Variants in ITIH2 observed in about 807,000 individuals in gnomAD.
ITIH2 encodes inter-alpha-trypsin inhibitor heavy chain 2.
ITIH2 carries 103 observed loss-of-function variants against 104.4 expected under a neutral mutation model. The ratio of observed to expected loss-of-function variants is 0.99; its 90% CI spans 0.84 to 1.16. The LOEUF is 1.16. Among genes scored for constraint, ITIH2 ranks in the 50% most tolerant of loss-of-function variants. ITIH2 has a pLI of 0.00. For missense variants in ITIH2, 1,108 were observed against 1,162.4 expected (o/e 0.95, Z 0.68); for synonymous variants, 436 against 435.4 (o/e 1.00, Z -0.02).
At chr10:7,734,802 C>T (rs145516959) in intron 14 of ITIH2, 120 bp from the exon 15 acceptor site, 10 of 750,206 alleles carry the variant, frequency 1.3e-5, no homozygotes, top group African/African-American at 8.6e-5. Flanking sequence ...AGTTACTTTG[C>T]GGCTCCGCCC....
rs1012978862 is a variant in ITIH2 at position 7,744,922 on chromosome 10, C to T, written c.2540C>T (p.Pro847Leu). ...GTTGACTTTCTGGGAATCTACATAC[C>T]CCCTACAAACAAGTTCTCACCTAAA... is the stretch of plus-strand genomic sequence containing the variant. ...VNVDFLGIYI[P>L]PTNKFSPKAH... The change falls in exon 19 of 21, where the codon CCC (proline) becomes CTC (leucine). Residue 847 changes from proline (P) to leucine (L), a missense_variant. By Grantham distance (98) the Pro-to-Leu change is moderately conservative. Transcript: ENST00000358415. 1.2e-6 allele frequency: 2 copies of T among 1,613,864 alleles called. No individual in the cohort carries two copies. Among genetic ancestry groups the T allele is most frequent in the African/African-American group, 1.3e-5 (1 of 74,844 alleles).
At chr10:7,722,108 C>A (rs967666193) in intron 8 of ITIH2, among the ~76,000 whole-genome samples, 3 of 151,990 alleles carry the variant, frequency 2.0e-5, no homozygotes, top group Non-Finnish European at 4.4e-5. Flanking sequence ...ACAGAGATTA[C>A]GGGGTGAGGA....
At chr10:7,726,877 G>T (rs558410147) in intron 9 of ITIH2, 73 bp from the exon 10 acceptor site, 333 of 1,248,486 alleles carry the variant, frequency 2.7e-4, no homozygotes, top group Non-Finnish European at 3.6e-4. Flanking sequence ...CAGGATCAAT[G>T]ATTGGTCTTC....
At chr10:7,741,175 T>G (rs1158253356) in intron 16 of ITIH2, among the ~76,000 whole-genome samples, 3 of 11,208 alleles carry the variant, frequency 2.7e-4, no homozygotes, top group Non-Finnish European at 1.4e-3. Flanking sequence ...TGTTTAAGGT[T>G]TTTTTTTTTT....
At chr10:7,722,509 C>T (rs1253416889) in intron 8 of ITIH2, among the ~76,000 whole-genome samples, 1 of 152,236 alleles carries the variant, frequency 6.6e-6, no homozygotes, top group Non-Finnish European at 1.5e-5. Context: ...ACACGTCCTT[C>T]GTGATCTGTC....
chr10:7,712,727 G>T (rs997840896), intron 4 of ITIH2, among the ~76,000 whole-genome samples: 1 of 152,158 alleles, frequency 6.6e-6, no homozygotes, highest in African/African-American at 2.4e-5. Flanking sequence ...CTATTTGAAT[G>T]CCTCCCTTCT....
chr10:7,729,609 T>G (rs1472964249), intron 11 of ITIH2, among the ~76,000 whole-genome samples: 1 of 152,210 alleles, frequency 6.6e-6, no homozygotes, highest in Non-Finnish European at 1.5e-5. Context: ...TGAGATTGTC[T>G]GGTATACATA....
chr10:7,717,119 A>C (rs924789303), intron 5 of ITIH2, among the ~76,000 whole-genome samples: 31 of 151,918 alleles, frequency 2.0e-4, no homozygotes, highest in Admixed American at 8.5e-4. Context: ...ATGCCCAGCT[A>C]ATTTTTGTAT....
intron 5 of ITIH2, 61 bp from the exon 6 acceptor site, chr10:7,717,565 T>G: frequency 1.3e-6 from 2 of 1,518,298 alleles, no homozygotes; most frequent in South Asian, 1.1e-5. Context: ...TCTGCCTAGA[T>G]TCTGGGTCTT....
chr10:7,744,046 A>G, intron 17 of ITIH2, 36 bp from the exon 18 acceptor site: 1 of 1,548,426 alleles, frequency 6.5e-7, no homozygotes, highest in South Asian at 1.1e-5. Context: ...AATAAATGGC[A>G]CAGAAGAGAA....
At chr10:7,748,521 CTTTTTTTTTTTTTTTTTTTTTTTT>C (rs549517172) in intron 20 of ITIH2, among the ~76,000 whole-genome samples, 3 of 27,124 alleles carry the variant, frequency 1.1e-4, no homozygotes, top group South Asian at 1.5e-3. Flanking sequence ...CCAATGCATT[CTTTTTTTTTTTTTTTTTTTTTTTT>C]TTTTTTTTTT....
At chr10:7,718,893 C>G (rs148354619) in intron 6 of ITIH2, among the ~76,000 whole-genome samples, 9 of 152,310 alleles carry the variant, frequency 5.9e-5, no homozygotes, top group African/African-American at 2.2e-4. Flanking sequence ...GTGCCTCGGT[C>G]ATCCACTGCA....
chr10:7,703,628 A>G, intron 1 of ITIH2, 110 bp downstream of exon 1: 4 of 701,236 alleles, frequency 5.7e-6, no homozygotes, highest in Non-Finnish European at 1.0e-5. Context: ...GAAACTTAAG[A>G]TAAAATTCAT....
At chr10:7,705,424 G>A (rs982699289) in intron 2 of ITIH2, among the ~76,000 whole-genome samples, 28 of 152,090 alleles carry the variant, frequency 1.8e-4, no homozygotes, top group African/African-American at 6.0e-4. Context: ...AAGAGTACAC[G>A]ACTCAGCACA....
chr10:7,722,968 AGTGGAGTGAAGTGGC>A (rs879681167), intron 8 of ITIH2, among the ~76,000 whole-genome samples: 12 of 151,500 alleles, frequency 7.9e-5, no homozygotes, highest in Non-Finnish European at 1.3e-4. Flanking sequence ...AGTGGAGTGG[AGTGGAGTGAAGTGGC>A]GTGGAGTGGA....
chr10:7,727,608 A>G (rs946696578), intron 10 of ITIH2, 95 bp from the exon 11 acceptor site: 21 of 1,400,096 alleles, frequency 1.5e-5, no homozygotes, highest in Non-Finnish European at 2.0e-5. Flanking sequence ...AGTGATGGAT[A>G]AGTGATCAGC....
At position 7,717,685 on chromosome 10, in the gene ITIH2, A is replaced by T. The variant is rs1180426575; in HGVS notation, c.527A>T (p.Lys176Met). ...RTEVNVLPGAKVQFELHYQEV... is the reference protein window; with the variant it reads ...RTEVNVLPGAMVQFELHYQEV... ...GAAGTAAATGTCCTCCCAGGAGCAA[A>T]GGTGCAGTTCGAACTTCACTACCAG... is the stretch of plus-strand genomic sequence containing the variant. The change falls in exon 6 of 21, where the codon AAG (lysine) becomes ATG (methionine). Residue 176 changes from lysine to methionine, a missense_variant. Coordinates refer to ENST00000358415, the MANE Select transcript of ITIH2 (RefSeq NM_002216.3). 2 of 1,613,716 alleles carry T rather than the reference A, an allele frequency of 1.2e-6. No individual in the cohort carries two copies. Among genetic ancestry groups the T allele is most frequent in the Non-Finnish European group, 1.7e-6 (2 of 1,179,966 alleles).
At chr10:7,732,540 A>G in intron 14 of ITIH2, 63 bp downstream of exon 14, 1 of 1,555,976 alleles carries the variant, frequency 6.4e-7, no homozygotes. Context: ...CCGTGAATAT[A>G]TGAAGTCATA....
At chr10:7,727,257 T>C (rs1834959350) in intron 10 of ITIH2, 139 bp downstream of exon 10, 1 of 687,340 alleles carries the variant, frequency 1.5e-6, no homozygotes, top group Admixed American at 3.1e-5. Context: ...TTATTGGTAA[T>C]GGATGAATGC....
Sources: gnomAD v4.1 joint callset for allele counts (sites outside exome capture counted in the v4.1 genomes callset) on GRCh38, gnomAD v4.1.1 for gene constraint, MANE v1.5 for transcripts, NCBI Gene and HGNC (gene_info 2026-07-23, HGNC 2026-07-21) for gene names.